CFAP20DC: variants seen among roughly 807,000 people sequenced by gnomAD.
CFAP20DC encodes the protein protein CFAP20DC.
In CFAP20DC, 84 loss-of-function variants were observed where a neutral mutation model predicts 101.7. The observed-to-expected ratio is 0.83, with a 90% CI of 0.69 to 0.99. The LOEUF is 0.99. Among genes scored for constraint, CFAP20DC ranks in the 50% least tolerant of loss-of-function variants. CFAP20DC has a pLI of 0.00. For synonymous variants in CFAP20DC, 359 were observed against 351.2 expected (o/e 1.02, Z -0.25); for missense variants, 1,007 against 970.3 (o/e 1.04, Z -0.50).
intron 6 of CFAP20DC, among the ~76,000 whole-genome samples, chr3:58,896,802 A>G (rs896968686): frequency 6.6e-6 from 1 of 151,960 alleles, no homozygotes; most frequent in Non-Finnish European, 1.5e-5. Context: ...TTTACTTCTG[A>G]TTTATGTGAT....
chr3:58,787,766 A>C (rs2072489713), intron 15 of CFAP20DC, among the ~76,000 whole-genome samples: 1 of 152,210 alleles, frequency 6.6e-6, no homozygotes, highest in Non-Finnish European at 1.5e-5. Context: ...GAATGGATTA[A>C]GAAAATGTGG....
At chr3:58,805,416 T>C (rs553479034) in intron 15 of CFAP20DC, among the ~76,000 whole-genome samples, 2 of 152,206 alleles carry the variant, frequency 1.3e-5, no homozygotes, top group African/African-American at 2.4e-5. Context: ...CAGCCCCGTA[T>C]CTTACTTAAC....
At chr3:58,809,098 T>C (rs1441819420) in intron 14 of CFAP20DC, among the ~76,000 whole-genome samples, 1 of 152,020 alleles carries the variant, frequency 6.6e-6, no homozygotes, top group Non-Finnish European at 1.5e-5. Flanking sequence ...AGACTTAGAC[T>C]CCCACACAAT....
At chr3:58,937,601 T>G in intron 5 of CFAP20DC, 47 bp downstream of exon 5, 1 of 1,126,172 alleles carries the variant, frequency 8.9e-7, no homozygotes, top group Non-Finnish European at 1.4e-6. Flanking sequence ...AAGTAATATT[T>G]GTTGAATTGA....
At chr3:58,815,552 A>T (rs2075048832) in intron 14 of CFAP20DC, among the ~76,000 whole-genome samples, 1 of 151,100 alleles carries the variant, frequency 6.6e-6, no homozygotes, top group Non-Finnish European at 1.5e-5. Context: ...AAAAGAAACT[A>T]CCATCAGAGT....
chr3:58,969,233 G>A (rs1452787866), intron 4 of CFAP20DC, among the ~76,000 whole-genome samples: 1 of 152,102 alleles, frequency 6.6e-6, no homozygotes, highest in East Asian at 1.9e-4. Context: ...ATAAGCAAAT[G>A]GAAAGATGCT....
intron 5 of CFAP20DC, among the ~76,000 whole-genome samples, chr3:58,933,949 C>T (rs1036294334): frequency 3.3e-5 from 5 of 151,604 alleles, no homozygotes; most frequent in South Asian, 2.1e-4. Flanking sequence ...AATAGAGACA[C>T]AAAAAACCCT....
At chr3:58,974,903 G>A (rs779581230) in intron 4 of CFAP20DC, among the ~76,000 whole-genome samples, 2 of 152,098 alleles carry the variant, frequency 1.3e-5, no homozygotes, top group Non-Finnish European at 2.9e-5. Flanking sequence ...CACCACCACT[G>A]GACACTCTCC....
chr3:58,995,975 A>AATCTATCT (rs10688272), intron 4 of CFAP20DC, among the ~76,000 whole-genome samples: 38,542 of 144,940 alleles, frequency 0.27, 5,213 homozygotes, highest in Admixed American at 0.31. Context: ...CTGTATAATA[A>AATCTATCT]ATCTATCTAT....
At chr3:58,870,423 C>T (rs2080068784) in intron 7 of CFAP20DC, 114 bp from the exon 8 acceptor site, 3 of 980,922 alleles carry the variant, frequency 3.1e-6, no homozygotes, top group East Asian at 4.9e-5. Context: ...ATCCCCCCTC[C>T]CCCCTCAGCA....
chr3:59,028,129 T>C (rs2093925404), intron 4 of CFAP20DC, among the ~76,000 whole-genome samples: 1 of 152,214 alleles, frequency 6.6e-6, no homozygotes, highest in African/African-American at 2.4e-5. Flanking sequence ...AAATGTAATG[T>C]GCTTAGATAA....
At position 58,732,661 on chromosome 3, in the gene CFAP20DC, T is replaced by C. The variant is rs963265756; in HGVS notation, c.198-15033A>G. Among the ~76,000 whole-genome samples, 5 of 152,188 alleles carry C rather than the reference T, an allele frequency of 3.3e-5. No individual in the cohort carries two copies. Among genetic ancestry groups the C allele is most frequent in the Non-Finnish European group, 5.9e-5 (4 of 68,048 alleles). ...AGTAAGGAGAAAAACTGCTTCTCACTCTAATGGGTTTATAACACCCAACGT... is the reference window on the plus strand; with the variant it reads ...AGTAAGGAGAAAAACTGCTTCTCACCCTAATGGGTTTATAACACCCAACGT... On this transcript the variant is annotated intron_variant, in intron 3 of 3. Transcript: ENST00000486145. The surrounding 1 kb of genome is among the most constrained non-coding windows in gnomAD (Gnocchi z 5.4).
chr3:58,801,787 T>C (rs2073727070), intron 15 of CFAP20DC, among the ~76,000 whole-genome samples: 2 of 152,230 alleles, frequency 1.3e-5, no homozygotes, highest in South Asian at 2.1e-4. Context: ...CAGATAATTA[T>C]GGTTATAAGT....
At chr3:59,000,864 T>C (rs2093289911) in intron 4 of CFAP20DC, among the ~76,000 whole-genome samples, 1 of 152,092 alleles carries the variant, frequency 6.6e-6, no homozygotes, top group Non-Finnish European at 1.5e-5. Context: ...GTGAATAATA[T>C]ATGAAAAATA....
intron 6 of CFAP20DC, among the ~76,000 whole-genome samples, chr3:58,903,496 G>A (rs1002011645): frequency 6.6e-6 from 1 of 151,596 alleles, no homozygotes; most frequent in African/African-American, 2.4e-5. Flanking sequence ...ATCCAAGACT[G>A]GGTAATTTAT....
chr3:58,963,190 T>TTGTGTGTGGGTG (rs1553746830), intron 4 of CFAP20DC, among the ~76,000 whole-genome samples: 3 of 118,184 alleles, frequency 2.5e-5, no homozygotes, highest in Non-Finnish European at 5.2e-5. Context: ...GTTCAGTAGT[T>TTGTGTGTGGGTG]TGTGTGTGTG....
chr3:58,741,243 A>C (rs2067874823), downstream of CFAP20DC, among the ~76,000 whole-genome samples: 1 of 152,204 alleles, frequency 6.6e-6, no homozygotes, highest in African/African-American at 2.4e-5. Context: ...GCTCAATATT[A>C]ATATAGTTGG....
intron 7 of CFAP20DC, among the ~76,000 whole-genome samples, chr3:58,878,870 T>C (rs1178045950): frequency 1.3e-5 from 2 of 152,016 alleles, no homozygotes; most frequent in African/African-American, 2.4e-5. Context: ...TAGCCGGGCG[T>C]GGTGGTGGGC....
intron 4 of CFAP20DC, among the ~76,000 whole-genome samples, chr3:58,994,438 T>C (rs1243095106): frequency 6.6e-6 from 1 of 152,116 alleles, no homozygotes; most frequent in Non-Finnish European, 1.5e-5. Flanking sequence ...TATGCCATTA[T>C]CCTCATTTTT....
Sources: gnomAD v4.1 joint callset for allele counts (sites outside exome capture counted in the v4.1 genomes callset) on GRCh38, gnomAD v4.1.1 for gene constraint, Gnocchi (gnomAD v3.1) non-coding constraint, MANE v1.5 for transcripts, NCBI Gene and HGNC (gene_info 2026-07-23, HGNC 2026-07-21) for gene names.